Variants in ZBTB20 observed in about 807,000 individuals in gnomAD.
ZBTB20 encodes zinc finger and BTB domain containing 20.
ZBTB20 carries 9 observed loss-of-function variants against 56.9 expected under a neutral mutation model. That is an observed-to-expected ratio of 0.16 (90% CI 0.10 to 0.28). The LOEUF is 0.28. Ranked by LOEUF, ZBTB20 falls within the 10% of genes least tolerant of loss-of-function variation. ZBTB20 has a pLI of 1.00. For synonymous variants in ZBTB20, 417 were observed against 420.7 expected (o/e 0.99, Z 0.11); for missense variants, 655 against 1,003.0 (o/e 0.65, Z 4.69).
intron 2 of ZBTB20, among the ~76,000 whole-genome samples, chr3:115,025,921 A>G (rs977478052): frequency 1.3e-5 from 2 of 149,716 alleles, no homozygotes; most frequent in African/African-American, 4.9e-5. Flanking sequence ...AAATATTTAA[A>G]AATACTAAAT....
At chr3:114,602,734 T>C (rs1472905617) in intron 6 of ZBTB20, among the ~76,000 whole-genome samples, 2 of 151,944 alleles carry the variant, frequency 1.3e-5, no homozygotes, top group Non-Finnish European at 2.9e-5. Flanking sequence ...AACTGGTATA[T>C]GGGGGAAAAA....
chr3:114,552,746 CTCTCTT>C (rs2050733030), intron 6 of ZBTB20, among the ~76,000 whole-genome samples: 2 of 152,142 alleles, frequency 1.3e-5, no homozygotes, highest in African/African-American at 2.4e-5. Context: ...ATATATAAAA[CTCTCTT>C]ATGTTGGATT....
chr3:114,463,044 A>T (rs890241181), intron 7 of ZBTB20, among the ~76,000 whole-genome samples: 1 of 152,220 alleles, frequency 6.6e-6, no homozygotes, highest in East Asian at 1.9e-4. Context: ...ACACTGGTGC[A>T]TCAGGAGATG....
At chr3:114,417,759 G>T (rs966723450) in intron 7 of ZBTB20, among the ~76,000 whole-genome samples, 1 of 151,992 alleles carries the variant, frequency 6.6e-6, no homozygotes, top group Non-Finnish European at 1.5e-5. Flanking sequence ...AGGAAAAAAG[G>T]ACTTTTAAAC....
intron 7 of ZBTB20, among the ~76,000 whole-genome samples, chr3:114,495,452 T>TACACACACAC (rs35156549): frequency 6.7e-6 from 1 of 149,026 alleles, no homozygotes; most frequent in Non-Finnish European, 1.5e-5. Flanking sequence ...AGTCTGTGTA[T>TACACACACAC]ACACACACAC....
At chr3:114,979,420 C>G (rs904895588) in intron 2 of ZBTB20, among the ~76,000 whole-genome samples, 8 of 151,878 alleles carry the variant, frequency 5.3e-5, no homozygotes, top group Non-Finnish European at 1.0e-4. Flanking sequence ...GCTGTTCATT[C>G]CCATATAAGA....
intron 6 of ZBTB20, among the ~76,000 whole-genome samples, chr3:114,587,975 C>G (rs2055354495): frequency 6.6e-6 from 1 of 152,194 alleles, no homozygotes; most frequent in South Asian, 2.1e-4. Flanking sequence ...TGATTCTAAC[C>G]TAATCACATA....
At chr3:114,772,528 G>A (rs1006318008) in intron 5 of ZBTB20, among the ~76,000 whole-genome samples, 2 of 151,718 alleles carry the variant, frequency 1.3e-5, no homozygotes, top group African/African-American at 4.8e-5. Context: ...AAGCCCTAAT[G>A]GTCAACTTGG....
At chr3:115,041,932 T>C (rs1396671261) in intron 2 of ZBTB20, among the ~76,000 whole-genome samples, 1 of 152,144 alleles carries the variant, frequency 6.6e-6, no homozygotes, top group African/African-American at 2.4e-5. Context: ...ATTATGAGAA[T>C]AAAGTTTTCC....
chr3:114,492,238 C>T (rs1005235052), intron 7 of ZBTB20, among the ~76,000 whole-genome samples: 3 of 152,066 alleles, frequency 2.0e-5, no homozygotes, highest in Non-Finnish European at 4.4e-5. Flanking sequence ...TGTCGATTAC[C>T]CTGAATTCAT....
intron 2 of ZBTB20, among the ~76,000 whole-genome samples, chr3:114,985,950 C>T (rs1373802662): frequency 1.3e-5 from 2 of 152,038 alleles, no homozygotes; most frequent in East Asian, 3.9e-4. Context: ...AACATATAAA[C>T]AAATGACCAT....
chr3:115,110,016 C>G (rs572328628), intron 1 of ZBTB20, among the ~76,000 whole-genome samples: 10 of 152,132 alleles, frequency 6.6e-5, no homozygotes, highest in Non-Finnish European at 1.5e-4. Flanking sequence ...TCGCAACCAG[C>G]CTGGCCAACA....
intron 6 of ZBTB20, among the ~76,000 whole-genome samples, chr3:114,617,123 T>G (rs1052908300): frequency 1.3e-5 from 2 of 152,144 alleles, no homozygotes; most frequent in Admixed American, 1.3e-4. Flanking sequence ...ATCACACAAT[T>G]TCATCATTAA....
intron 6 of ZBTB20, among the ~76,000 whole-genome samples, chr3:114,560,674 G>A (rs1263969166): frequency 6.6e-6 from 1 of 152,172 alleles, no homozygotes; most frequent in Non-Finnish European, 1.5e-5. Context: ...CACCCTCTGA[G>A]CTTTCAAGAT....
intron 3 of ZBTB20, among the ~76,000 whole-genome samples, chr3:114,958,189 A>G (rs1307226111): frequency 6.6e-6 from 1 of 152,204 alleles, no homozygotes; most frequent in East Asian, 1.9e-4. Context: ...TTCACTATCA[A>G]TTTATGTTGA....
intron 6 of ZBTB20, among the ~76,000 whole-genome samples, chr3:114,512,548 TA>T (rs1210118027): frequency 6.6e-6 from 1 of 152,134 alleles, no homozygotes; most frequent in African/African-American, 2.4e-5. Context: ...TATTTGTTTT[TA>T]TTCATTTGCC....
chr3:114,317,580 G>A lies in ZBTB20; in HGVS notation c.*21425C>T, dbSNP rs556336196. ...TTAAATGTCCAAAGAGTGTCATGAAGGGGTTGAAATGTTTGTGTTCAATGT... is the reference window on the plus strand; with the variant it reads ...TTAAATGTCCAAAGAGTGTCATGAAAGGGTTGAAATGTTTGTGTTCAATGT... On this transcript the variant is annotated 3_prime_UTR_variant, in exon 12 of 12. Coordinates refer to ENST00000675478, the MANE Select transcript of ZBTB20 (RefSeq NM_001348800.3). The A allele has an allele frequency of 1.3e-5, 2 of 152,258 alleles. No homozygotes were observed. The highest frequency in any genetic ancestry group is 1.3e-4 in the Admixed American group (2 of 15,304). The allele number at this position is 152,258 out of a possible 1,614,324, so 9.4% of individuals were successfully genotyped here. A position where few individuals can be genotyped will look rare whatever the true frequency, so the allele number is the denominator to read the frequency against.
At chr3:114,683,057 T>A (rs2062081788) in intron 6 of ZBTB20, among the ~76,000 whole-genome samples, 1 of 152,112 alleles carries the variant, frequency 6.6e-6, no homozygotes, top group Non-Finnish European at 1.5e-5. Flanking sequence ...CAGAGAGAAA[T>A]ATAGCTAACA....
chr3:114,824,814 C>T (rs1266478183), intron 4 of ZBTB20, among the ~76,000 whole-genome samples: 3 of 151,840 alleles, frequency 2.0e-5, no homozygotes, highest in Non-Finnish European at 4.4e-5. Context: ...CCTAATAAAA[C>T]CATAAAAACT....
Sources: gnomAD v4.1 joint callset for allele counts (sites outside exome capture counted in the v4.1 genomes callset) on GRCh38, gnomAD v4.1.1 for gene constraint, MANE v1.5 for transcripts, NCBI Gene and HGNC (gene_info 2026-07-23, HGNC 2026-07-21) for gene names.